Variants in TPRG1 observed in about 807,000 individuals in gnomAD.
TPRG1 encodes the protein tumor protein p63 regulated 1.
TPRG1 carries 29 observed loss-of-function variants against 29.3 expected under a neutral mutation model. The observed-to-expected ratio is 0.99, with a 90% CI of 0.74 to 1.35. The LOEUF (loss-of-function observed/expected upper bound fraction) is 1.35, where lower values mean the gene tolerates loss of function less well. TPRG1 is among the 40% of genes most tolerant of loss of function. The pLI, the probability that TPRG1 is intolerant of heterozygous loss-of-function variation, is 0.00. For missense variants in TPRG1, 327 were observed against 335.0 expected, an observed-to-expected ratio of 0.98 and a Z score of 0.19; for synonymous variants, 130 against 116.8, an observed-to-expected ratio of 1.11 and a Z score of -0.73.
At chr3:189,269,907 A>G (rs1714781386) in intron 4 of TPRG1, among the ~76,000 whole-genome samples, 1 of 152,226 alleles carries the variant, frequency 6.6e-6, no homozygotes, top group South Asian at 2.1e-4. Flanking sequence ...AGGAAAAAGG[A>G]ACATGCTCTG....
At chr3:189,265,518 A>G (rs1713899880) in intron 4 of TPRG1, among the ~76,000 whole-genome samples, 1 of 152,036 alleles carries the variant, frequency 6.6e-6, no homozygotes, top group South Asian at 2.1e-4. Flanking sequence ...ACATTCTCCC[A>G]TCTCTCCTTC....
At chr3:189,249,457 G>C (rs1741836389) in intron 4 of TPRG1, among the ~76,000 whole-genome samples, 1 of 151,648 alleles carries the variant, frequency 6.6e-6, no homozygotes, top group South Asian at 2.1e-4. Flanking sequence ...CTGTGTTTTT[G>C]ATGTGCACTT....
intron 4 of TPRG1, among the ~76,000 whole-genome samples, chr3:189,039,707 A>G (rs1714506559): frequency 6.6e-6 from 1 of 152,234 alleles, no homozygotes; most frequent in African/African-American, 2.4e-5. Flanking sequence ...CTAGTTTTGA[A>G]GATCAAATCA....
chr3:189,112,909 G>T (rs1450341523), intron 1 of TPRG1, among the ~76,000 whole-genome samples: 1 of 152,120 alleles, frequency 6.6e-6, no homozygotes, highest in Non-Finnish European at 1.5e-5. Context: ...CCAAATCTAT[G>T]AAGAAAGTCA....
chr3:189,145,918 T>C (rs992116515), intron 3 of TPRG1, among the ~76,000 whole-genome samples: 2 of 152,224 alleles, frequency 1.3e-5, no homozygotes, highest in Admixed American at 6.5e-5. Context: ...GAGAATCTTA[T>C]ATTGATATTA....
chr3:189,008,828 A>G (rs1464533990), intron 3 of TPRG1, among the ~76,000 whole-genome samples: 1 of 152,156 alleles, frequency 6.6e-6, no homozygotes, highest in African/African-American at 2.4e-5. Context: ...GTGCTGAGGA[A>G]AACACAACAG....
intron 3 of TPRG1, among the ~76,000 whole-genome samples, chr3:189,138,092 C>T (rs1724013027): frequency 6.6e-6 from 1 of 152,180 alleles, no homozygotes; most frequent in African/African-American, 2.4e-5. Context: ...TAATAATGGG[C>T]ATGTACAAGT....
chr3:189,243,993 A>G (rs1377321544), intron 4 of TPRG1, among the ~76,000 whole-genome samples: 4 of 151,910 alleles, frequency 2.6e-5, no homozygotes, highest in Non-Finnish European at 5.9e-5. Context: ...AACTCATTCA[A>G]CCTCTGCCTG....
chr3:189,290,118 A>T (rs1228232486), intron 4 of TPRG1, among the ~76,000 whole-genome samples: 2 of 152,224 alleles, frequency 1.3e-5, no homozygotes, highest in African/African-American at 4.8e-5. Context: ...CTACTGGCAA[A>T]ATATGAGAAG....
chr3:189,135,583 C>A (rs994016484), intron 3 of TPRG1, among the ~76,000 whole-genome samples: 5 of 152,160 alleles, frequency 3.3e-5, no homozygotes, highest in Non-Finnish European at 7.3e-5. Flanking sequence ...CCTTCATGCC[C>A]CCCTGCTATA....
intron 5 of TPRG1, among the ~76,000 whole-genome samples, chr3:189,316,952 C>CT (rs1477093255): frequency 1.3e-5 from 2 of 152,126 alleles, no homozygotes. Context: ...TGTCACCCTG[C>CT]TTGTCTCTCT....
At chr3:189,218,173 C>T (rs941236183) in intron 3 of TPRG1, among the ~76,000 whole-genome samples, 10 of 152,070 alleles carry the variant, frequency 6.6e-5, no homozygotes, top group Non-Finnish European at 1.0e-4. Context: ...AGTGCAGTGG[C>T]GCAATCTCGG....
At chr3:189,282,018 C>T (rs1390316719) in intron 4 of TPRG1, among the ~76,000 whole-genome samples, 1 of 151,948 alleles carries the variant, frequency 6.6e-6, no homozygotes, top group African/African-American at 2.4e-5. Flanking sequence ...GTAGCTGGGA[C>T]TATAGGCACC....
intron 4 of TPRG1, among the ~76,000 whole-genome samples, chr3:189,026,320 A>G (rs1392826157): frequency 6.6e-6 from 1 of 152,188 alleles, no homozygotes; most frequent in African/African-American, 2.4e-5. Context: ...TCTTCTTATA[A>G]GGACATCAGT....
At chr3:189,273,655 A>C (rs538135508) in intron 4 of TPRG1, among the ~76,000 whole-genome samples, 1 of 152,288 alleles carries the variant, frequency 6.6e-6, no homozygotes, top group East Asian at 1.9e-4. Flanking sequence ...CAGTGAATGC[A>C]CTCATTTGAT....
intron 4 of TPRG1, among the ~76,000 whole-genome samples, chr3:189,299,413 TTC>T (rs1720481418): frequency 6.6e-6 from 1 of 152,156 alleles, no homozygotes; most frequent in Non-Finnish European, 1.5e-5. Flanking sequence ...GTATAACTCT[TTC>T]TATCCTGGGC....
intron 4 of TPRG1, among the ~76,000 whole-genome samples, chr3:189,082,868 G>A (rs1326530864): frequency 2.0e-5 from 3 of 152,098 alleles, no homozygotes; most frequent in South Asian, 2.1e-4. Flanking sequence ...ACTCAAGAAC[G>A]TACATTCACA....
chr3:189,182,144 A>G (rs951002802), intron 1 of TPRG1, among the ~76,000 whole-genome samples: 8 of 152,248 alleles, frequency 5.3e-5, no homozygotes, highest in Admixed American at 1.3e-4. Context: ...GTGGAGACAC[A>G]GACAAACCAT....
At chr3:189,284,986 A>G (rs1228270577) in intron 4 of TPRG1, among the ~76,000 whole-genome samples, 3 of 152,200 alleles carry the variant, frequency 2.0e-5, no homozygotes, top group Admixed American at 1.3e-4. Flanking sequence ...AGAAACTACC[A>G]TCTGAGTGAA....
Sources: gnomAD v4.1 joint callset for allele counts (sites outside exome capture counted in the v4.1 genomes callset) on GRCh38, gnomAD v4.1.1 for gene constraint, MANE v1.5 for transcripts, NCBI Gene and HGNC (gene_info 2026-07-23, HGNC 2026-07-21) for gene names.